Variants in GLIS1 observed in about 807,000 individuals in gnomAD.
GLIS1 encodes the protein GLIS family zinc finger 1, also known as zinc finger protein GLIS1.
GLIS1 carries 24 observed loss-of-function variants against 63.8 expected under a neutral mutation model. That is an observed-to-expected ratio of 0.38 (90% CI 0.27 to 0.53). The LOEUF is 0.53. GLIS1 is among the 20% of genes least tolerant of loss of function. The pLI is 0.85. For synonymous variants in GLIS1, 450 were observed against 482.5 expected, an observed-to-expected ratio of 0.93 and a Z score of 0.88; for missense variants, 1,036 against 1,074.1, an observed-to-expected ratio of 0.96 and a Z score of 0.50.
chr1:53,626,883 GGGATTC>G (rs1335124353), intron 2 of GLIS1, among the ~76,000 whole-genome samples: 5 of 152,194 alleles, frequency 3.3e-5, no homozygotes, highest in Non-Finnish European at 7.3e-5. Flanking sequence ...CCCACCATGG[GGGATTC>G]ATTCATTTTC....
intron 2 of GLIS1, among the ~76,000 whole-genome samples, chr1:53,633,419 A>T (rs1645690237): frequency 7.5e-6 from 1 of 134,046 alleles, no homozygotes; most frequent in African/African-American, 2.9e-5. Flanking sequence ...TGTGTGTATG[A>T]GTGTGACTGA....
rs889747960 is a variant in GLIS1 at position 53,511,488 on chromosome 1, G to A, written c.1884-1461C>T. ...TCCAGTCTGCTGTCATCATCCACAC[G>A]TGTGGGGCCCCCGTCACTGTGAGCT... On this transcript the variant is annotated intron_variant, in intron 8 of 10. Transcript: ENST00000628545. The surrounding 1 kb of genome is among the most constrained non-coding windows in gnomAD (Gnocchi z 4.2). Among the ~76,000 whole-genome samples the A allele has an allele frequency of 5.9e-5, 9 of 152,156 alleles. No individual in the cohort carries two copies. Among genetic ancestry groups the A allele is most frequent in the Admixed American group, 1.3e-4 (2 of 15,272 alleles).
At chr1:53,643,422 G>A (rs1049162442) in intron 2 of GLIS1, among the ~76,000 whole-genome samples, 26 of 152,162 alleles carry the variant, frequency 1.7e-4, no homozygotes, top group African/African-American at 5.6e-4. Flanking sequence ...AGTGAGCCAC[G>A]GGCTGAGAGC....
intron 3 of GLIS1, among the ~76,000 whole-genome samples, chr1:53,595,400 G>C (rs914561338): frequency 1.3e-5 from 2 of 152,112 alleles, no homozygotes; most frequent in African/African-American, 4.8e-5. Context: ...TGCACCTGTA[G>C]TCCCAGCTAC....
At chr1:53,507,936 C>T (rs895477900) in intron 10 of GLIS1, among the ~76,000 whole-genome samples, 22 of 152,304 alleles carry the variant, frequency 1.4e-4, no homozygotes, top group African/African-American at 5.3e-4. Flanking sequence ...ACAGAGCACC[C>T]GTCTTCCATG....
chr1:53,594,095 G>T lies in GLIS1; in HGVS notation c.1320+13C>A, dbSNP rs1409597828. On this transcript the variant is annotated intron_variant, in intron 4 of 10. Coordinates refer to ENST00000628545, the MANE Select transcript of GLIS1 (RefSeq NM_001367484.1). ...GGGGCTGGGGTGAGGCCTGGCGGCC[G>T]GTGGGAACTCACCATGCACTTGTTG... is the stretch of plus-strand genomic sequence containing the variant. 5 of 1,594,336 alleles carry T rather than the reference G, an allele frequency of 3.1e-6. No homozygotes were observed. The highest frequency in any genetic ancestry group is 2.2e-5 in the East Asian group (1 of 44,452).
chr1:53,537,612 T>C (rs1331445203), intron 4 of GLIS1, among the ~76,000 whole-genome samples: 2 of 152,192 alleles, frequency 1.3e-5, no homozygotes, highest in African/African-American at 2.4e-5. Flanking sequence ...TAAAAGAATA[T>C]GCCCAGTGTA....
intron 10 of GLIS1, among the ~76,000 whole-genome samples, chr1:53,507,141 T>C (rs1644242985): frequency 6.6e-6 from 1 of 151,970 alleles, no homozygotes; most frequent in African/African-American, 2.4e-5. Flanking sequence ...CCCCTCCTGG[T>C]AGAAGGACCA....
intron 4 of GLIS1, among the ~76,000 whole-genome samples, chr1:53,533,183 G>T (rs1402085308): frequency 6.6e-6 from 1 of 152,206 alleles, no homozygotes; most frequent in Non-Finnish European, 1.5e-5. Flanking sequence ...TCAGAAGCCT[G>T]CCTCAAACTT....
chr1:53,520,793 G>T, intron 6 of GLIS1, 27 bp from the exon 7 acceptor site: 5 of 1,583,818 alleles, frequency 3.2e-6, no homozygotes, highest in Non-Finnish European at 3.4e-6. Context: ...GGGAAAGGAG[G>T]TGTTAGTGTG....
rs1645230049 is a variant in GLIS1, at chr1:53,594,504, G to A, written c.924C>T (p.Ser308=). The A allele has an allele frequency of 6.2e-7, 1 of 1,612,924 alleles. No individual in the cohort carries two copies. Among genetic ancestry groups the A allele is most frequent in the Non-Finnish European group, 8.5e-7 (1 of 1,179,988 alleles). ...GPASTDSHEG[S]LQLEACRKAS... The stretch of plus-strand genomic sequence containing the variant: ...CCTTCCGGCAGGCTTCAAGTTGCAA[G>A]CTGCCCTCATGGCTGTCCGTCGATG... The change falls in exon 4 of 11, where the codon AGC becomes AGT. Residue 308 remains serine (S), a synonymous_variant. Coordinates refer to ENST00000628545, the MANE Select transcript of GLIS1 (RefSeq NM_001367484.1).
In GLIS1 at chr1:53,594,847, C is replaced by T. The variant is rs370465293; in HGVS notation, c.581G>A (p.Gly194Asp). 6.3e-6 allele frequency: 10 copies of T among 1,597,158 alleles called. No homozygotes were observed. Among genetic ancestry groups the T allele is most frequent in the Non-Finnish European group, 7.7e-6 (9 of 1,174,832 alleles). The change falls in exon 4 of 11, where the codon GGC (glycine) becomes GAC (aspartate). Residue 194 changes from glycine to aspartate, a missense_variant. Gly to Asp is a moderately conservative substitution (Grantham distance 94, BLOSUM62 -1). This residue lies in a region of GLIS1 where 592 missense variants were observed against 593.9 expected (regional missense o/e 1.00). Transcript: ENST00000628545. ...SAHCRGPLAT[G>D]LHPDLDLPGR... The stretch of plus-strand genomic sequence containing the variant: ...CGGGAGGTCCAGGTCTGGGTGCAGG[C>T]CAGTGGCCAGCGGGCCCCGACAGTG...
chr1:53,667,811 C>T (rs966100209), intron 2 of GLIS1, among the ~76,000 whole-genome samples: 2 of 152,174 alleles, frequency 1.3e-5, no homozygotes, highest in African/African-American at 4.8e-5. Context: ...TGAATGAGTG[C>T]GTAGACCTCA....
At chr1:53,681,857 CTCT>C (rs1423010257) in intron 2 of GLIS1, among the ~76,000 whole-genome samples, 1 of 151,914 alleles carries the variant, frequency 6.6e-6, no homozygotes, top group Non-Finnish European at 1.5e-5. Context: ...CTCCCCCATC[CTCT>C]TCTTCTGTAG....
At chr1:53,638,929 G>A (rs1645756572) in intron 2 of GLIS1, among the ~76,000 whole-genome samples, 1 of 152,118 alleles carries the variant, frequency 6.6e-6, no homozygotes, top group Non-Finnish European at 1.5e-5. Context: ...TCCCTCTTGT[G>A]GTCTGGACTT....
In GLIS1 at chr1:53,526,339, G is replaced by A. The variant is rs536604817; in HGVS notation, c.1483-1452C>T. ...ATGAGGAGGGGAAGCAGAAAGAGAC[G>A]ACCATACCTTGGTGCTGCCATGGAG... On this transcript the variant is annotated intron_variant, in intron 5 of 10. Coordinates refer to ENST00000628545, the MANE Select transcript of GLIS1 (RefSeq NM_001367484.1). This position sits in a 1 kb window ranked among gnomAD's most constrained non-coding sequence, Gnocchi z 4.4. Among the ~76,000 whole-genome samples, 3 of 152,302 alleles carry A rather than the reference G, an allele frequency of 2.0e-5. No homozygotes were observed. Among genetic ancestry groups the A allele is most frequent in the African/African-American group, 7.2e-5 (3 of 41,558 alleles).
At chr1:53,564,812 A>C (rs893940493) in intron 4 of GLIS1, among the ~76,000 whole-genome samples, 12 of 152,098 alleles carry the variant, frequency 7.9e-5, no homozygotes, top group Non-Finnish European at 1.6e-4. Flanking sequence ...GTTGCAGTGA[A>C]ACCTAATAAT....
chr1:53,555,219 G>A (rs527323794), intron 4 of GLIS1, among the ~76,000 whole-genome samples: 12 of 152,324 alleles, frequency 7.9e-5, no homozygotes, highest in African/African-American at 2.9e-4. Flanking sequence ...GAAGGCTGCT[G>A]AGAGAGATGT....
intron 4 of GLIS1, among the ~76,000 whole-genome samples, chr1:53,556,254 TGCA>T (rs1644823963): frequency 1.4e-5 from 2 of 141,978 alleles, no homozygotes; most frequent in South Asian, 2.3e-4. Flanking sequence ...TGTGTGTGTG[TGCA>T]GGTGTACTGC....
Sources: allele counts gnomAD v4.1 joint callset (sites outside exome capture counted in the v4.1 genomes callset), GRCh38; gene constraint gnomAD v4.1.1; regional missense constraint gnomAD v4.1.1; non-coding constraint Gnocchi (gnomAD v3.1); transcripts MANE v1.5; gene names NCBI Gene and HGNC (gene_info 2026-07-23, HGNC 2026-07-21).